Variants in ST6GALNAC3 observed in about 807,000 individuals in gnomAD.
ST6GALNAC3 encodes the protein alpha-N-acetylgalactosaminide alpha-2,6-sialyltransferase 3.
Under a neutral mutation model 32.7 loss-of-function variants are expected in ST6GALNAC3, and 25 were observed. The ratio of observed to expected loss-of-function variants is 0.76; its 90% CI spans 0.56 to 1.07. The LOEUF (loss-of-function observed/expected upper bound fraction) is 1.07, where lower values mean the gene tolerates loss of function less well. Among genes scored for constraint, ST6GALNAC3 ranks in the 50% least tolerant of loss-of-function variants. The pLI, the probability that ST6GALNAC3 is intolerant of heterozygous loss-of-function variation, is 0.00. For synonymous variants in ST6GALNAC3, 129 were observed against 133.1 expected, an observed-to-expected ratio of 0.97 and a Z score of 0.21; for missense variants, 355 against 382.4, an observed-to-expected ratio of 0.93 and a Z score of 0.60.
intron 2 of ST6GALNAC3, among the ~76,000 whole-genome samples, chr1:76,388,218 T>C (rs759428026): frequency 6.6e-6 from 1 of 152,156 alleles, no homozygotes; most frequent in Non-Finnish European, 1.5e-5. Flanking sequence ...GGGTGAGAAA[T>C]AGTCTTTGGA....
chr1:76,086,826 A>G (rs1248961330), intron 1 of ST6GALNAC3, among the ~76,000 whole-genome samples: 14 of 152,028 alleles, frequency 9.2e-5, no homozygotes, highest in Non-Finnish European at 1.8e-4. Context: ...GTCATCCCTC[A>G]CACCTTTGCC....
intron 1 of ST6GALNAC3, among the ~76,000 whole-genome samples, chr1:76,251,426 T>C (rs1166456856): frequency 3.9e-5 from 6 of 152,190 alleles, no homozygotes; most frequent in Non-Finnish European, 8.8e-5. Context: ...GGTCGAAATC[T>C]TTGAGCTGCT....
intron 3 of ST6GALNAC3, among the ~76,000 whole-genome samples, chr1:76,625,039 A>T (rs1437669365): frequency 1.3e-5 from 2 of 151,980 alleles, no homozygotes; most frequent in Non-Finnish European, 2.9e-5. Context: ...GACACAAGGA[A>T]AATAAGACCC....
At chr1:76,223,013 AG>A (rs1186642007) in intron 1 of ST6GALNAC3, among the ~76,000 whole-genome samples, 1 of 152,152 alleles carries the variant, frequency 6.6e-6, no homozygotes, top group Non-Finnish European at 1.5e-5. Flanking sequence ...AACTTAAAAC[AG>A]AATTACCATT....
At chr1:76,615,908 TGA>T (rs36034812) in intron 3 of ST6GALNAC3, among the ~76,000 whole-genome samples, 18,637 of 152,122 alleles carry the variant, frequency 0.12, 1,982 homozygotes, top group African/African-American at 0.3. Context: ...TTCTTCCCTC[TGA>T]GAGAGATGGC....
intron 3 of ST6GALNAC3, among the ~76,000 whole-genome samples, chr1:76,488,643 T>C (rs1231753049): frequency 1.3e-5 from 2 of 152,190 alleles, no homozygotes; most frequent in East Asian, 3.8e-4. Flanking sequence ...AAATAATTTA[T>C]GGGGCATACT....
At chr1:76,486,640 C>T (rs987954062) in intron 3 of ST6GALNAC3, among the ~76,000 whole-genome samples, 1 of 152,078 alleles carries the variant, frequency 6.6e-6, no homozygotes, top group African/African-American at 2.4e-5. Flanking sequence ...AGATGGATCT[C>T]CTGAATACAG....
chr1:76,488,380 CA>C (rs2101682386), intron 3 of ST6GALNAC3, among the ~76,000 whole-genome samples: 1 of 152,220 alleles, frequency 6.6e-6, no homozygotes, highest in East Asian at 1.9e-4. Flanking sequence ...AGAAGCCAAC[CA>C]GGCGCTAGCA....
At position 76,509,398 on chromosome 1, in the gene ST6GALNAC3, G is replaced by A. The variant is rs17099101; in HGVS notation, c.623+96981G>A. ...TTTATAATATTGGGGTTTGGCTGATGCTACAGGATTTTCTTGGTCAGAATC... is the reference window on the plus strand; with the variant it reads ...TTTATAATATTGGGGTTTGGCTGATACTACAGGATTTTCTTGGTCAGAATC... On this transcript the variant is annotated intron_variant, in intron 3 of 4. Coordinates refer to ENST00000328299, the MANE Select transcript of ST6GALNAC3 (RefSeq NM_152996.4). This position sits in a 1 kb window ranked among gnomAD's most constrained non-coding sequence, Gnocchi z 5.5. Among the ~76,000 whole-genome samples the A allele has an allele frequency of 0.034, 5,129 of 152,220 alleles. 303 individuals carry two copies. Among genetic ancestry groups the A allele is most frequent in the African/African-American group, 0.12 (4,854 of 41,500 alleles).
chr1:76,162,731 A>G (rs1047997503), intron 1 of ST6GALNAC3, among the ~76,000 whole-genome samples: 2 of 152,218 alleles, frequency 1.3e-5, no homozygotes, highest in African/African-American at 4.8e-5. Context: ...CTTAAAGTAA[A>G]TATTTACAAA....
chr1:76,311,177 C>T (rs1048213722), intron 1 of ST6GALNAC3, among the ~76,000 whole-genome samples: 37 of 152,252 alleles, frequency 2.4e-4, no homozygotes, highest in African/African-American at 7.2e-4. Context: ...GGGATAGCCT[C>T]CTAACTAGTC....
chr1:76,611,313 T>C (rs1647919136), intron 3 of ST6GALNAC3, among the ~76,000 whole-genome samples: 1 of 152,150 alleles, frequency 6.6e-6, no homozygotes, highest in African/African-American at 2.4e-5. Context: ...TATTTGTTTC[T>C]TCATATGCTG....
At chr1:76,400,758 G>A (rs911801966) in intron 2 of ST6GALNAC3, among the ~76,000 whole-genome samples, 1 of 151,986 alleles carries the variant, frequency 6.6e-6, no homozygotes, top group African/African-American at 2.4e-5. Flanking sequence ...ATGGTGGTGG[G>A]CACCTACAAT....
At chr1:76,499,061 G>A (rs139764498) in intron 3 of ST6GALNAC3, among the ~76,000 whole-genome samples, 1,593 of 152,182 alleles carry the variant, frequency 0.01, 30 homozygotes, top group African/African-American at 0.036. Flanking sequence ...GCAATAAAAT[G>A]TATAAACAAC....
At position 76,574,785 on chromosome 1, in the gene ST6GALNAC3, T is replaced by G. The variant is rs571316867; in HGVS notation, c.624-52667T>G. On this transcript the variant is annotated intron_variant, in intron 3 of 4. Coordinates refer to ENST00000328299, the MANE Select transcript of ST6GALNAC3 (RefSeq NM_152996.4). The stretch of plus-strand genomic sequence containing the variant: ...AACTGATGAAGAAAATAATAGCTTG[T>G]ATCAAAGAGCACCAGTAGCATGTGG... Among the ~76,000 whole-genome samples, 3 of 152,204 alleles carry G rather than the reference T, an allele frequency of 2.0e-5. No individual in the cohort carries two copies. In the East Asian group the frequency reaches 5.8e-4, roughly 29 times the overall value.
At chr1:76,622,417 G>T (rs760236180) in intron 3 of ST6GALNAC3, among the ~76,000 whole-genome samples, 1 of 151,948 alleles carries the variant, frequency 6.6e-6, no homozygotes, top group Non-Finnish European at 1.5e-5. Context: ...GTTGGATGAA[G>T]AAAATCAGGG....
At chr1:76,321,595 G>C (rs1442479591) in intron 2 of ST6GALNAC3, among the ~76,000 whole-genome samples, 2 of 152,206 alleles carry the variant, frequency 1.3e-5, no homozygotes, top group African/African-American at 4.8e-5. Flanking sequence ...GAGGAGAGGA[G>C]TAGTCTTTCC....
At chr1:76,115,473 A>G (rs956461039) in intron 1 of ST6GALNAC3, among the ~76,000 whole-genome samples, 3 of 152,194 alleles carry the variant, frequency 2.0e-5, no homozygotes, top group African/African-American at 7.2e-5. Flanking sequence ...TTTACATTTA[A>G]CAGGAGCTGT....
chr1:76,407,228 G>A (rs1297543367), intron 2 of ST6GALNAC3, among the ~76,000 whole-genome samples: 2 of 152,082 alleles, frequency 1.3e-5, no homozygotes, highest in East Asian at 1.9e-4. Context: ...TTAGCGCTGT[G>A]TGCTGAGATT....
Sources: allele counts gnomAD v4.1 joint callset (sites outside exome capture counted in the v4.1 genomes callset), GRCh38; gene constraint gnomAD v4.1.1; non-coding constraint Gnocchi (gnomAD v3.1); transcripts MANE v1.5; gene names NCBI Gene and HGNC (gene_info 2026-07-23, HGNC 2026-07-21).